The following FSTL5 variants were observed in gnomAD, a reference collection of about 807,000 sequenced individuals.
FSTL5 encodes the protein follistatin-related protein 5.
Under a neutral mutation model 89.1 loss-of-function variants are expected in FSTL5, and 62 were observed. The ratio of observed to expected loss-of-function variants is 0.70; its 90% CI spans 0.57 to 0.86. FSTL5 has a LOEUF of 0.86. Among genes scored for constraint, FSTL5 ranks in the 40% least tolerant of loss-of-function variants. The pLI is 0.00. For missense variants in FSTL5, 1,057 were observed against 1,001.6 expected (o/e 1.06, Z -0.75); for synonymous variants, 383 against 346.2 (o/e 1.11, Z -1.18).
intron 15 of FSTL5, among the ~76,000 whole-genome samples, chr4:161,418,540 C>G (rs1422956255): frequency 6.6e-6 from 1 of 152,050 alleles, no homozygotes; most frequent in Non-Finnish European, 1.5e-5. Flanking sequence ...CACTAATTCA[C>G]CAAAAGTTTG....
chr4:162,083,101 A>T (rs1236710269), intron 2 of FSTL5, among the ~76,000 whole-genome samples: 1 of 151,786 alleles, frequency 6.6e-6, no homozygotes, highest in Non-Finnish European at 1.5e-5. Context: ...TTTGGAAAAT[A>T]GTTTATAATA....
In FSTL5 at chr4:161,538,313, G is replaced by A. The variant is rs1295107458; in HGVS notation, c.1178-13C>T. 6.2e-7 allele frequency: 1 copy of A among 1,613,122 alleles called. No individual in the cohort carries two copies. The highest frequency in any genetic ancestry group is 1.1e-5 in the South Asian group (1 of 90,962). ...TCACTGCCATTTGCTGAAAAAAGAA[G>A]GGAAATGCAACTTGTAAACTACAAT... On this transcript the variant is annotated splice_polypyrimidine_tract_variant and intron_variant, in intron 9 of 15. Coordinates refer to ENST00000306100, the MANE Select transcript of FSTL5 (RefSeq NM_020116.5).
intron 3 of FSTL5, among the ~76,000 whole-genome samples, chr4:161,979,477 C>G (rs1735754576): frequency 6.6e-6 from 1 of 151,970 alleles, no homozygotes; most frequent in South Asian, 2.1e-4. Context: ...TGTCCTCTTA[C>G]CATTTATTAG....
Position 161,876,217 on chromosome 4 carries a change from C to G in FSTL5, c.409+44187G>C, listed in dbSNP as rs558651191. 2.8e-3 allele frequency among the ~76,000 whole-genome samples: 422 copies of G among 152,210 alleles called. 4 individuals carry two copies. Among genetic ancestry groups the G allele is most frequent in the Non-Finnish European group, 4.3e-3 (292 of 68,000 alleles). On this transcript the variant is annotated intron_variant, in intron 4 of 15. Transcript: ENST00000306100. ...TTTACTAAATAAATTCTCAAAAATG[C>G]CCCAATGACATTTTTTAGGAAACCT...
In FSTL5 at chr4:161,775,973, C is replaced by A; in HGVS notation, c.511G>T (p.Asp171Tyr). 1 of 1,604,542 alleles carries A rather than the reference C, an allele frequency of 6.2e-7. No individual in the cohort carries two copies. ...AATAGCTTCTTCCGAGATATGTCGT[C>A]GCCATTAGGATTTTCATTTTCTTGC... ...IMQENENPNG[D>Y]DISRKKLLVD... Residue 171 changes from aspartate to tyrosine, a missense_variant, in exon 5 of 16, where the codon GAC becomes TAC. Coordinates refer to ENST00000306100, the MANE Select transcript of FSTL5 (RefSeq NM_020116.5).
intron 3 of FSTL5, among the ~76,000 whole-genome samples, chr4:161,928,544 G>C (rs929519616): frequency 6.6e-6 from 1 of 151,800 alleles, no homozygotes; most frequent in African/African-American, 2.4e-5. Context: ...AGCAATGAAT[G>C]AGAGTTTTTC....
chr4:162,039,883 G>C (rs1560986015), intron 2 of FSTL5, among the ~76,000 whole-genome samples: 1 of 151,978 alleles, frequency 6.6e-6, no homozygotes, highest in Non-Finnish European at 1.5e-5. Flanking sequence ...TCTTCCTACA[G>C]TAAACTGATG....
chr4:161,685,145 C>T (rs1268308138), intron 6 of FSTL5, among the ~76,000 whole-genome samples: 3 of 152,126 alleles, frequency 2.0e-5, no homozygotes, highest in African/African-American at 7.2e-5. Context: ...GCTTTGGTGA[C>T]TATGGCCTAA....
intron 7 of FSTL5, among the ~76,000 whole-genome samples, chr4:161,594,647 G>A (rs6838239): frequency 0.59 from 88,986 of 151,616 alleles, 26,367 homozygotes; most frequent in East Asian, 0.77. Flanking sequence ...CCTCTAAATG[G>A]AATTAAAATA....
intron 6 of FSTL5, among the ~76,000 whole-genome samples, chr4:161,740,485 C>A (rs969325674): frequency 6.6e-6 from 1 of 151,394 alleles, no homozygotes; most frequent in Non-Finnish European, 1.5e-5. Flanking sequence ...AAAAAAAAAG[C>A]AAGTCCAAAC....
At position 161,836,628 on chromosome 4, in the gene FSTL5, T is replaced by G. The variant is rs767637491; in HGVS notation, c.410-60554A>C. ...GGAGTTTGGAGTGTATTAGGGAAGC[T>G]ATTTTAAGGAAGGCTATTATAAATC... is the stretch of plus-strand genomic sequence containing the variant. On this transcript the variant is annotated intron_variant, in intron 4 of 15. Transcript: ENST00000306100. Among the ~76,000 whole-genome samples, 3 of 151,978 alleles carry G rather than the reference T, an allele frequency of 2.0e-5. No homozygotes were observed. In the South Asian group the frequency reaches 6.2e-4, roughly 32 times the overall value.
At chr4:162,044,020 C>T (rs1738077111) in intron 2 of FSTL5, among the ~76,000 whole-genome samples, 1 of 152,138 alleles carries the variant, frequency 6.6e-6, no homozygotes, top group South Asian at 2.1e-4. Flanking sequence ...TTCTCCAAAA[C>T]TCCTGTTAAA....
At chr4:161,513,204 A>G (rs1033010025) in intron 10 of FSTL5, among the ~76,000 whole-genome samples, 4 of 151,580 alleles carry the variant, frequency 2.6e-5, no homozygotes, top group Non-Finnish European at 5.9e-5. Context: ...ATGTGGTCCC[A>G]AAGAGTTTTA....
At chr4:162,160,003 A>C (rs1215417789) in intron 1 of FSTL5, among the ~76,000 whole-genome samples, 1 of 145,038 alleles carries the variant, frequency 6.9e-6, no homozygotes, top group African/African-American at 2.5e-5. Context: ...TTATTATCTA[A>C]ATTATTTTGT....
chr4:161,446,354 T>C (rs1190963521), intron 15 of FSTL5, among the ~76,000 whole-genome samples: 1 of 152,090 alleles, frequency 6.6e-6, no homozygotes, highest in Admixed American at 6.6e-5. Context: ...TTCTCAAAGA[T>C]AAAATTATTT....
intron 4 of FSTL5, among the ~76,000 whole-genome samples, chr4:161,884,654 A>G (rs937940335): frequency 6.6e-6 from 1 of 152,138 alleles, no homozygotes; most frequent in African/African-American, 2.4e-5. Flanking sequence ...TATGCTTGAG[A>G]GCTGCTGTGC....
chr4:161,571,838 C>T (rs1733022791), intron 8 of FSTL5, among the ~76,000 whole-genome samples: 1 of 152,100 alleles, frequency 6.6e-6, no homozygotes, highest in African/African-American at 2.4e-5. Context: ...TTGCCTGTTC[C>T]CAAGAGGCAT....
intron 2 of FSTL5, among the ~76,000 whole-genome samples, chr4:162,068,298 A>G (rs1004163445): frequency 7.9e-5 from 12 of 152,098 alleles, no homozygotes; most frequent in Admixed American, 6.6e-5. Context: ...CTGACTCCAA[A>G]CTATACTACA....
At chr4:161,948,559 T>G (rs900248409) in intron 3 of FSTL5, among the ~76,000 whole-genome samples, 1 of 141,040 alleles carries the variant, frequency 7.1e-6, no homozygotes, top group African/African-American at 2.6e-5. Context: ...GCCGTTCTCC[T>G]GCCTCAGCCT....
Sources: gnomAD v4.1 joint callset for allele counts (sites outside exome capture counted in the v4.1 genomes callset) on GRCh38, gnomAD v4.1.1 for gene constraint, MANE v1.5 for transcripts, NCBI Gene and HGNC (gene_info 2026-07-23, HGNC 2026-07-21) for gene names.